The following WNT2B variants were observed in gnomAD, a reference collection of about 807,000 sequenced individuals.
The protein encoded by WNT2B is protein Wnt-2b.
A neutral mutation model predicts 40.5 loss-of-function variants in WNT2B; 19 were observed. That is an observed-to-expected ratio of 0.47 (90% CI 0.33 to 0.69). The LOEUF (loss-of-function observed/expected upper bound fraction) is 0.69, where lower values mean the gene tolerates loss of function less well. WNT2B is among the 30% of genes least tolerant of loss of function. WNT2B has a pLI of 0.02. For missense variants in WNT2B, 467 were observed against 556.4 expected (o/e 0.84, Z 1.62); for synonymous variants, 220 against 211.9 (o/e 1.04, Z -0.33).
chr1:112,482,511 T>A (rs938156166), intron 1 of WNT2B, among the ~76,000 whole-genome samples: 6 of 152,090 alleles, frequency 3.9e-5, no homozygotes, highest in African/African-American at 7.2e-5. Context: ...ATTTTATCTT[T>A]TTGTAAAGAC....
intron 4 of WNT2B, among the ~76,000 whole-genome samples, chr1:112,518,824 G>A (rs1378479015): frequency 6.6e-6 from 1 of 152,190 alleles, no homozygotes; most frequent in Non-Finnish European, 1.5e-5. Flanking sequence ...AGAATATGGA[G>A]CCAGGAATTC....
intron 1 of WNT2B, among the ~76,000 whole-genome samples, chr1:112,482,099 T>C (rs1432868998): frequency 1.3e-5 from 2 of 151,466 alleles, no homozygotes; most frequent in Non-Finnish European, 2.9e-5. Flanking sequence ...TGAGTTGAGA[T>C]TGTGCATTGC....
Position 112,521,032 on chromosome 1 carries a change from T to C in WNT2B, c.*523T>C, listed in dbSNP as rs530343065. ...ATTCTATTATTGAGAGCCTGAGATGTTAGCCATAGTGGACAAGGTTCCATT... is the reference window on the plus strand; with the variant it reads ...ATTCTATTATTGAGAGCCTGAGATGCTAGCCATAGTGGACAAGGTTCCATT... On this transcript the variant is annotated 3_prime_UTR_variant, in exon 5 of 5. Transcript: ENST00000369684. 34 of 157,120 alleles carry C rather than the reference T, an allele frequency of 2.2e-4. No homozygotes were observed. Among genetic ancestry groups the C allele is most frequent in the Non-Finnish European group, 3.9e-4 (28 of 70,918 alleles). 9.7% of individuals were successfully genotyped at this position (157,120 alleles called of 1,614,324 possible). A position where few individuals can be genotyped will look rare whatever the true frequency, so the allele number is the denominator to read the frequency against.
chr1:112,513,120 TA>T (rs1195880509), intron 1 of WNT2B, among the ~76,000 whole-genome samples: 4 of 139,970 alleles, frequency 2.9e-5, no homozygotes, highest in African/African-American at 8.8e-5. Context: ...CAAGCCCCAT[TA>T]AAAAAAAACA....
At chr1:112,504,468 G>C (rs1252724230), upstream of WNT2B, among the ~76,000 whole-genome samples, 1 of 152,092 alleles carries the variant, frequency 6.6e-6, no homozygotes, top group Non-Finnish European at 1.5e-5. Context: ...TGGCCTCTTT[G>C]AGACACGTTC....
At chr1:112,484,299 A>ACC (rs2101058919) in intron 1 of WNT2B, among the ~76,000 whole-genome samples, 1 of 143,186 alleles carries the variant, frequency 7.0e-6, no homozygotes, top group African/African-American at 2.7e-5. Context: ...ATACACACAC[A>ACC]TATATATAGA....
intron 1 of WNT2B, among the ~76,000 whole-genome samples, chr1:112,513,744 G>A (rs1188516243): frequency 1.3e-5 from 2 of 152,188 alleles, no homozygotes; most frequent in African/African-American, 4.8e-5. Flanking sequence ...TTCAAAACAG[G>A]GGAGGGAGGG....
At position 112,529,835 on chromosome 1, in the gene WNT2B, T is replaced by G. The variant is rs1654085772; in HGVS notation, c.*9326T>G. On this transcript the variant is annotated 3_prime_UTR_variant, in exon 5 of 5. Transcript: ENST00000369684. ...AGGTGGTACCTTCACAGGAGCTCAG[T>G]GGAACTGGGGTTTACTTACATCTTT... 6.6e-6 allele frequency: 1 copy of G among 151,646 alleles called. No homozygotes were observed. Among genetic ancestry groups the G allele is most frequent in the African/African-American group, 2.4e-5 (1 of 41,262 alleles). The allele number at this position is 151,646 out of a possible 1,614,324, so 9.4% of individuals were successfully genotyped here.
Position 112,527,354 on chromosome 1 carries a change from T to G in WNT2B, c.*6845T>G, listed in dbSNP as rs1052563407. On this transcript the variant is annotated 3_prime_UTR_variant, in exon 5 of 5. Transcript: ENST00000369684. ...CCCCAAGGCAGACTTTATTTTTTGG[T>G]CCATCGATCTTGGCTCTCACTGTTC... 3.3e-5 allele frequency: 5 copies of G among 152,584 alleles called. No individual in the cohort carries two copies. The highest frequency in any genetic ancestry group is 5.9e-5 in the Non-Finnish European group (4 of 68,076). The allele number at this position is 152,584 out of a possible 1,614,324, so 9.5% of individuals were successfully genotyped here.
intron 1 of WNT2B, among the ~76,000 whole-genome samples, chr1:112,500,939 T>G (rs1557915791): frequency 6.6e-6 from 1 of 152,180 alleles, no homozygotes; most frequent in African/African-American, 2.4e-5. Context: ...TACTAATATA[T>G]TATTATTAAT....
chr1:112,514,874 G>T lies in WNT2B; in HGVS notation c.183G>T (p.Trp61Cys). The T allele has an allele frequency of 3.1e-6, 5 of 1,614,218 alleles. No individual in the cohort carries two copies. Among genetic ancestry groups the T allele is most frequent in the Non-Finnish European group, 3.4e-6 (4 of 1,180,038 alleles). The part of the protein sequence containing the change: ...TLPARVDTSW[W>C]YIGALGARVI... Reference sequence around the variant, plus strand: ...TGACAGGGCCATCTCTGCCTTGCAGGTACATTGGGGCACTGGGGGCACGAG... The same window carrying T: ...TGACAGGGCCATCTCTGCCTTGCAGTTACATTGGGGCACTGGGGGCACGAG... The change falls in exon 2 of 5, where the codon TGG (tryptophan) becomes TGT (cysteine). Residue 61 changes from tryptophan (W) to cysteine (C), a missense_variant and splice_region_variant. Physicochemically the swap from Trp to Cys is radical, Grantham distance 215 (BLOSUM62 -2). Around this residue, in one of 2 missense-constraint regions of WNT2B, gnomAD observed 137 missense variants for 117.7 expected, o/e 1.16. Coordinates refer to ENST00000369684, the MANE Select transcript of WNT2B (RefSeq NM_024494.3).
chr1:112,467,571 A>G (rs1473527257), exon 1 of WNT2B: 1 of 780,890 alleles, frequency 1.3e-6, no homozygotes, highest in Non-Finnish European at 2.4e-6. Flanking sequence ...AGCCATAAGC[A>G]TTTTTGGAAT....
intron 1 of WNT2B, among the ~76,000 whole-genome samples, chr1:112,503,612 AAG>A (rs1412297376): frequency 1.3e-5 from 2 of 152,272 alleles, no homozygotes; most frequent in South Asian, 2.1e-4. Flanking sequence ...AGAGTGAAGA[AAG>A]AGCAAGACAA....
In WNT2B at chr1:112,509,413, A is replaced by G. The variant is rs753860536; in HGVS notation, c.151A>G (p.Thr51Ala). The G allele has an allele frequency of 1.3e-5, 20 of 1,594,466 alleles. No homozygotes were observed. Among genetic ancestry groups the G allele is most frequent in the Middle Eastern group, 2.2e-4 (1 of 4,468 alleles). The change falls in exon 1 of 5, where the codon ACG (threonine) becomes GCG (alanine). Residue 51 changes from threonine to alanine, a missense_variant. Thr to Ala is a moderately conservative substitution (Grantham distance 58, BLOSUM62 0). Coordinates refer to ENST00000369684, the MANE Select transcript of WNT2B (RefSeq NM_024494.3). This position sits in a 1 kb window ranked among gnomAD's most constrained non-coding sequence, Gnocchi z 4.2. ...LACLLLLLLLTLPARVDTSWW... is the reference protein window; with the variant it reads ...LACLLLLLLLALPARVDTSWW... ...CTGCCTTCTGCTCCTGCTGCTGCTG[A>G]CGCTGCCGGCCCGCGTAGACACGTC... is the stretch of plus-strand genomic sequence containing the variant.
chr1:112,472,773 G>T (rs76869599), intron 1 of WNT2B, among the ~76,000 whole-genome samples: 2,044 of 152,004 alleles, frequency 0.013, 54 homozygotes, highest in African/African-American at 0.047. Context: ...CTTCAGGGTG[G>T]GCAACATGGA....
At chr1:112,506,908 C>G (rs759686478), upstream of WNT2B, among the ~76,000 whole-genome samples, 7 of 152,240 alleles carry the variant, frequency 4.6e-5, no homozygotes, top group Non-Finnish European at 1.0e-4. Context: ...GCCCAGCCCC[C>G]ACTTTCCACC....
intron 1 of WNT2B, among the ~76,000 whole-genome samples, chr1:112,495,212 G>A (rs1265736600): frequency 2.0e-5 from 3 of 151,370 alleles, no homozygotes; most frequent in Non-Finnish European, 4.4e-5. Context: ...GCAGATAAAA[G>A]AGCAGAAGAC....
chr1:112,474,835 A>G (rs1177145641), intron 1 of WNT2B, among the ~76,000 whole-genome samples: 1 of 152,200 alleles, frequency 6.6e-6, no homozygotes, highest in Non-Finnish European at 1.5e-5. Context: ...TGCTGTTCTC[A>G]TGATAATGAG....
intron 1 of WNT2B, chr1:112,514,634 T>G: frequency 1.8e-6 from 1 of 565,716 alleles, no homozygotes; most frequent in South Asian, 2.0e-5. Flanking sequence ...ACTTTGGCCT[T>G]TGGCTGGGGA....
Sources: allele counts gnomAD v4.1 joint callset (sites outside exome capture counted in the v4.1 genomes callset), GRCh38; gene constraint gnomAD v4.1.1; regional missense constraint gnomAD v4.1.1; non-coding constraint Gnocchi (gnomAD v3.1); transcripts MANE v1.5; gene names NCBI Gene and HGNC (gene_info 2026-07-23, HGNC 2026-07-21).